Variants in CEP89 observed in about 807,000 individuals in gnomAD.
The protein encoded by CEP89 is centrosomal protein 89, also known as centrosomal protein of 89 kDa.
A neutral mutation model predicts 97.6 loss-of-function variants in CEP89; 95 were observed. The ratio of observed to expected loss-of-function variants is 0.97; its 90% confidence interval spans 0.82 to 1.15. CEP89 has a LOEUF of 1.15. Ranked by LOEUF, CEP89 falls within the 50% of genes most tolerant of loss-of-function variation. The pLI, the probability that CEP89 is intolerant of heterozygous loss-of-function variation, is 0.00. For missense variants in CEP89, 869 were observed against 947.7 expected (o/e 0.92, Z 1.09); for synonymous variants, 354 against 349.1 (o/e 1.01, Z -0.16).
At chr19:32,902,022 G>C (rs1048414638) in intron 14 of CEP89, among the ~76,000 whole-genome samples, 133 of 151,010 alleles carry the variant, frequency 8.8e-4, no homozygotes, top group African/African-American at 3.0e-3. Flanking sequence ...GTGTGTGTGT[G>C]TGTGTGTGTG....
chr19:32,944,069 A>G (rs1379820405), intron 5 of CEP89, among the ~76,000 whole-genome samples: 1 of 152,078 alleles, frequency 6.6e-6, no homozygotes, highest in Non-Finnish European at 1.5e-5. Context: ...GTCTAACAAA[A>G]TACAAAAATT....
Position 32,971,851 on chromosome 19 carries a change from G to T in CEP89, c.24C>A (p.Gly8=), listed in dbSNP as rs1479682674. 1 of 1,594,688 alleles carries T rather than the reference G, an allele frequency of 6.3e-7. No individual in the cohort carries two copies. The highest frequency in any genetic ancestry group is 1.7e-5 in the Admixed American group (1 of 58,560). MLLGFRR[G]RRSHFKHIIH... ...ATCTACTTACGAAATGACTCCTGCG[G>T]CCTCTCCGAAATCCCAGGAGCATCC... is the stretch of plus-strand genomic sequence containing the variant. Residue 8 remains glycine, a synonymous_variant, in exon 1 of 19, where the codon GGC becomes GGA. Transcript: ENST00000305768.
In CEP89 at chr19:32,901,307, G is replaced by C. The variant is rs2145888528; in HGVS notation, c.1671C>G (p.Asn557Lys). 1 of 1,614,186 alleles carries C rather than the reference G, an allele frequency of 6.2e-7. No individual in the cohort carries two copies. The highest frequency in any genetic ancestry group is 8.5e-7 in the Non-Finnish European group (1 of 1,180,026). ...GTGCTTTGTTTTGCTCTGTCAAACT[G>C]TTCTTCTCTAACAGCAGGCTCTTCT... The part of the protein sequence containing the change: ...AQKKSLLLEK[N>K]SLTEQNKALE... Residue 557 changes from asparagine (N) to lysine (K), a missense_variant, in exon 15 of 19, where the codon AAC becomes AAG. Transcript: ENST00000305768.
At chr19:32,964,633 TTAA>T (rs1351202827) in intron 2 of CEP89, among the ~76,000 whole-genome samples, 265 of 152,314 alleles carry the variant, frequency 1.7e-3, no homozygotes, top group Middle Eastern at 0.01. Flanking sequence ...GGAACACGCG[TTAA>T]TCAGAATAAT....
At chr19:32,922,313 G>A (rs1970266402) in intron 12 of CEP89, among the ~76,000 whole-genome samples, 1 of 152,132 alleles carries the variant, frequency 6.6e-6, no homozygotes, top group Non-Finnish European at 1.5e-5. Flanking sequence ...AGGCCAAGAC[G>A]GGAGGATCAC....
chr19:32,915,440 C>A lies in CEP89; in HGVS notation c.1462G>T (p.Glu488Ter), dbSNP rs748017973. Reference protein sequence around the residue: ...GQEKELAENREQLEILRAKCQ... With the variant: ...GQEKELAENR ...TTGGCACGTAAAATCTCCAGCTGTT[C>A]CCTGTTCTCCGCCAGCTCCTTTTCC... is the stretch of plus-strand genomic sequence containing the variant. Residue 488 changes from glutamate to a stop codon, truncating the protein, a stop_gained, in exon 14 of 19, where the codon GAA becomes TAA. Transcript: ENST00000305768. LOFTEE classifies it high-confidence loss of function. The A allele has an allele frequency of 6.2e-7, 1 of 1,613,866 alleles. No homozygotes were observed. The highest frequency in any genetic ancestry group is 8.5e-7 in the Non-Finnish European group (1 of 1,179,944).
At chr19:32,922,763 G>T (rs938173341) in intron 12 of CEP89, among the ~76,000 whole-genome samples, 1 of 151,784 alleles carries the variant, frequency 6.6e-6, no homozygotes, top group East Asian at 1.9e-4. Context: ...CAGGAGAATC[G>T]CTTGAATCCA....
chr19:32,951,421 G>C (rs766576450), intron 4 of CEP89, among the ~76,000 whole-genome samples: 9 of 151,868 alleles, frequency 5.9e-5, no homozygotes, highest in Non-Finnish European at 1.2e-4. Context: ...AGGAGGCGGA[G>C]GTTGCAGTGA....
At chr19:32,917,764 T>A (rs1278373587) in intron 13 of CEP89, 1 of 983,030 alleles carries the variant, frequency 1.0e-6, no homozygotes, top group Non-Finnish European at 1.2e-6. Flanking sequence ...CGGAAGGTGT[T>A]TGATGGAAAT....
At chr19:32,942,602 AC>A (rs1465318284) in intron 5 of CEP89, among the ~76,000 whole-genome samples, 3 of 152,214 alleles carry the variant, frequency 2.0e-5, no homozygotes, top group Non-Finnish European at 4.4e-5. Context: ...CTTACAATTT[AC>A]AGCATCCCAA....
chr19:32,894,709 C>T (rs1969603978), intron 16 of CEP89, among the ~76,000 whole-genome samples: 2 of 152,220 alleles, frequency 1.3e-5, no homozygotes, highest in South Asian at 4.1e-4. Context: ...CCACCTTTCA[C>T]ACTTGACCTC....
intron 4 of CEP89, 98 bp from the exon 5 acceptor site, chr19:32,948,466 C>G: frequency 1.5e-6 from 1 of 664,248 alleles, no homozygotes; most frequent in Non-Finnish European, 2.5e-6. Context: ...TCAAACCTTC[C>G]CCACTGGGAG....
intron 4 of CEP89, among the ~76,000 whole-genome samples, chr19:32,949,823 GT>G (rs1376717353): frequency 1.3e-5 from 2 of 152,106 alleles, no homozygotes; most frequent in Admixed American, 6.6e-5. Flanking sequence ...TGGAAGGGCT[GT>G]CCCTGGGGCT....
intron 16 of CEP89, among the ~76,000 whole-genome samples, chr19:32,892,676 GAA>G (rs61294746): frequency 0.26 from 28,076 of 107,358 alleles, 2,873 homozygotes; most frequent in African/African-American, 0.32. Flanking sequence ...AGGGCTAAAA[GAA>G]AAAAAAAAAA....
intron 5 of CEP89, among the ~76,000 whole-genome samples, chr19:32,945,688 T>C: frequency 6.6e-6 from 1 of 152,080 alleles, no homozygotes; most frequent in East Asian, 1.9e-4. Flanking sequence ...GGTTTTAGAG[T>C]CCAAGGGTCT....
Position 32,951,534 on chromosome 19 carries a change from TAC to T in CEP89, c.492+2079_492+2080del, listed in dbSNP as rs60580377. Among the ~76,000 whole-genome samples, 280 of 122,030 alleles carry T rather than the reference TAC, an allele frequency of 2.3e-3. 1 individual carries two copies. Among genetic ancestry groups the T allele is most frequent in the Middle Eastern group, 4.1e-3 (1 of 242 alleles). 80.1% of individuals were successfully genotyped at this position (122,030 alleles called of 152,430 possible). On this transcript the variant is annotated intron_variant, in intron 4 of 18. Transcript: ENST00000305768. ...AATTATATATATATATATATATATA[TAC>T]ACACACACACACACACACACACACA...
At chr19:32,902,797 C>A (rs1969809121) in intron 14 of CEP89, among the ~76,000 whole-genome samples, 1 of 152,198 alleles carries the variant, frequency 6.6e-6, no homozygotes, top group South Asian at 2.1e-4. Context: ...GGGTACTGAT[C>A]TGTCCGTGTG....
chr19:32,933,673 A>G lies in CEP89; in HGVS notation c.668-4T>C. 6.3e-7 allele frequency: 1 copy of G among 1,580,224 alleles called. No homozygotes were observed. The stretch of plus-strand genomic sequence containing the variant: ...TGACGTGCTCTACCAGTTATATCTG[A>G]AAGGGTTCAGGGGAAAATTTTACAA... On this transcript the variant is annotated splice_polypyrimidine_tract_variant and splice_region_variant and intron_variant, in intron 7 of 18. Transcript: ENST00000305768.
chr19:32,911,525 T>C (rs926182795), intron 14 of CEP89, among the ~76,000 whole-genome samples: 1 of 152,160 alleles, frequency 6.6e-6, no homozygotes, highest in Non-Finnish European at 1.5e-5. Context: ...CTATGGCACG[T>C]GCCTGTGGTC....
Sources: allele counts gnomAD v4.1 joint callset (sites outside exome capture counted in the v4.1 genomes callset), GRCh38; gene constraint gnomAD v4.1.1; transcripts MANE v1.5; gene names NCBI Gene and HGNC (gene_info 2026-07-23, HGNC 2026-07-21).